The following DIAPH2 variants were observed in gnomAD, a reference collection of about 807,000 sequenced individuals.
The protein encoded by DIAPH2 is diaphanous related formin 2, also known as protein diaphanous homolog 2.
Under a neutral mutation model 92.7 loss-of-function variants are expected in DIAPH2, and 35 were observed. The ratio of observed to expected loss-of-function variants is 0.38; its 90% CI spans 0.29 to 0.50. DIAPH2 has a LOEUF of 0.50. Among genes scored for constraint, DIAPH2 ranks in the 20% least tolerant of loss-of-function variants. The pLI is 0.94. For synonymous variants in DIAPH2, 301 were observed against 280.4 expected, an observed-to-expected ratio of 1.07 and a Z score of -0.73; for missense variants, 701 against 819.5, an observed-to-expected ratio of 0.86 and a Z score of 1.77.
At chrX:97,285,260 C>T (rs1037498092) in intron 23 of DIAPH2, among the ~76,000 whole-genome samples, 29 of 108,577 alleles carry the variant, frequency 2.7e-4, no homozygotes, top group African/African-American at 8.8e-4. Flanking sequence ...AGTTATGGGG[C>T]CGGGCGCGGT....
At chrX:97,181,610 A>G (rs1173676057) in intron 22 of DIAPH2, among the ~76,000 whole-genome samples, 1 of 111,111 alleles carries the variant, frequency 9.0e-6, no homozygotes, top group Non-Finnish European at 1.9e-5. Flanking sequence ...GGGTTTTGCC[A>G]TGTTGGTCAG....
At chrX:96,837,404 C>T (rs778612861) in intron 4 of DIAPH2, among the ~76,000 whole-genome samples, 6 of 66,057 alleles carry the variant, frequency 9.1e-5, no homozygotes, top group South Asian at 1.3e-3. Context: ...TTCCTCCCTC[C>T]CTCTCTCTCT....
intron 24 of DIAPH2, among the ~76,000 whole-genome samples, chrX:97,352,931 A>AATT (rs1463025868): frequency 1.8e-5 from 2 of 108,397 alleles, no homozygotes; most frequent in Non-Finnish European, 3.9e-5. Flanking sequence ...ATAGCCCCTA[A>AATT]ATTTAAGTTG....
chrX:96,973,351 A>G (rs966811717), intron 17 of DIAPH2, among the ~76,000 whole-genome samples: 1 of 111,375 alleles, frequency 9.0e-6, no homozygotes, highest in African/African-American at 3.3e-5. Flanking sequence ...TACAAAAATT[A>G]ACTGGGTGTG....
intron 23 of DIAPH2, among the ~76,000 whole-genome samples, chrX:97,324,711 C>T (rs1480642156): frequency 1.8e-5 from 2 of 112,081 alleles, no homozygotes; most frequent in Non-Finnish European, 3.8e-5. Context: ...CACCACAGGT[C>T]AGCTCTTTGT....
chrX:97,065,494 A>G (rs1243245176), intron 17 of DIAPH2, among the ~76,000 whole-genome samples: 1 of 111,736 alleles, frequency 8.9e-6, no homozygotes, highest in Non-Finnish European at 1.9e-5. Context: ...TTCTAGTGCA[A>G]TGCATTACTC....
chrX:97,063,848 G>A (rs2066616619), intron 17 of DIAPH2, among the ~76,000 whole-genome samples: 1 of 112,098 alleles, frequency 8.9e-6, no homozygotes, highest in Non-Finnish European at 1.9e-5. Flanking sequence ...GGAAACTATG[G>A]TCTGCAGGCC....
chrX:97,180,337 T>C (rs2067528860), intron 22 of DIAPH2, among the ~76,000 whole-genome samples: 2 of 111,975 alleles, frequency 1.8e-5, no homozygotes, highest in African/African-American at 6.5e-5. Flanking sequence ...CTTTGCCCAG[T>C]TTTTGATGGG....
At chrX:96,990,162 TAGAG>T (rs1229489226) in intron 17 of DIAPH2, among the ~76,000 whole-genome samples, 1 of 112,104 alleles carries the variant, frequency 8.9e-6, no homozygotes, top group East Asian at 2.8e-4. Context: ...CTAGAGAAAG[TAGAG>T]AGCTAAGCAG....
intron 26 of DIAPH2, among the ~76,000 whole-genome samples, chrX:97,574,700 T>C (rs2071390367): frequency 8.9e-6 from 1 of 112,103 alleles, no homozygotes. Context: ...TGCTGGAACA[T>C]AGGTATGAGA....
intron 9 of DIAPH2, among the ~76,000 whole-genome samples, chrX:96,923,985 T>C (rs1049246716): frequency 1.1e-4 from 12 of 112,152 alleles, no homozygotes; most frequent in Non-Finnish European, 1.3e-4. Context: ...TAAACAGATA[T>C]ATGGAACTAT....
intron 17 of DIAPH2, among the ~76,000 whole-genome samples, chrX:97,006,341 CT>C (rs1209941213): frequency 8.9e-6 from 1 of 112,031 alleles, no homozygotes; most frequent in Non-Finnish European, 1.9e-5. Context: ...TGTTGGTTTT[CT>C]GTCTGGAAGA....
chrX:97,378,273 C>T (rs2069519554), intron 24 of DIAPH2, among the ~76,000 whole-genome samples: 1 of 109,768 alleles, frequency 9.1e-6, no homozygotes, highest in Non-Finnish European at 1.9e-5. Context: ...ATCCCAGCTA[C>T]TCGAGAGGCT....
chrX:97,116,368 G>GAAGA (rs888729061), intron 21 of DIAPH2, among the ~76,000 whole-genome samples: 20 of 112,165 alleles, frequency 1.8e-4, no homozygotes, highest in African/African-American at 6.5e-4. Context: ...TGGATTTTGT[G>GAAGA]AAGAAAACAT....
chrX:97,566,352 C>T (rs1242973749), intron 26 of DIAPH2, among the ~76,000 whole-genome samples: 1 of 111,429 alleles, frequency 9.0e-6, no homozygotes. Context: ...TATTTTTATT[C>T]ATCGTATATA....
At chrX:97,474,800 G>A (rs1361371546) in intron 26 of DIAPH2, among the ~76,000 whole-genome samples, 2 of 110,165 alleles carry the variant, frequency 1.8e-5, no homozygotes, top group Non-Finnish European at 3.8e-5. Flanking sequence ...TAATAATAAA[G>A]AACAGGGTAG....
At chrX:97,360,990 C>G in intron 24 of DIAPH2, among the ~76,000 whole-genome samples, 2 of 110,020 alleles carry the variant, frequency 1.8e-5, no homozygotes, top group South Asian at 8.1e-4. Flanking sequence ...CCACCTCAGC[C>G]TCTTGAGTAG....
intron 4 of DIAPH2, among the ~76,000 whole-genome samples, chrX:96,829,283 C>G (rs905237319): frequency 9.6e-4 from 106 of 110,667 alleles, no homozygotes; most frequent in African/African-American, 3.3e-3. Context: ...GCTTTTTTCC[C>G]CATTTTTTAG....
intron 26 of DIAPH2, among the ~76,000 whole-genome samples, chrX:97,598,736 T>G (rs971821094): frequency 8.9e-6 from 1 of 111,831 alleles, no homozygotes; most frequent in Non-Finnish European, 1.9e-5. Context: ...TATAATATAT[T>G]GAATTTTTTT....
Sources: gnomAD v4.1 joint callset for allele counts (sites outside exome capture counted in the v4.1 genomes callset) on GRCh38, gnomAD v4.1.1 for gene constraint, MANE v1.5 for transcripts, NCBI Gene and HGNC (gene_info 2026-07-23, HGNC 2026-07-21) for gene names.